Variants in HIVEP1 observed in about 807,000 individuals in gnomAD.
HIVEP1 encodes the protein HIVEP zinc finger 1.
Under a neutral mutation model 180.0 loss-of-function variants are expected in HIVEP1, and 36 were observed. That is an observed-to-expected ratio of 0.20 (90% CI 0.15 to 0.26). The LOEUF (loss-of-function observed/expected upper bound fraction) is 0.26. Ranked by LOEUF, HIVEP1 falls within the 10% of genes least tolerant of loss-of-function variation. The pLI, the probability that HIVEP1 is intolerant of heterozygous loss-of-function variation, is 1.00. For missense variants in HIVEP1, 3,143 were observed against 3,268.7 expected (o/e 0.96, Z 0.94); for synonymous variants, 1,239 against 1,239.0 (o/e 1.00, Z 0.00).
intron 7 of HIVEP1, among the ~76,000 whole-genome samples, chr6:12,155,555 C>T (rs538562626): frequency 2.6e-5 from 4 of 152,228 alleles, no homozygotes; most frequent in African/African-American, 7.2e-5. Context: ...TTATGGCTTC[C>T]AAATCCATCT....
the HIVEP1 span, among the ~76,000 whole-genome samples, chr6:12,178,945 C>T: frequency 6.6e-6 from 1 of 152,014 alleles, no homozygotes; most frequent in African/African-American, 2.4e-5. Context: ...GATGGATCTC[C>T]AAGACATGTT....
rs746281482 is a variant in HIVEP1 at position 12,163,421 on chromosome 6, T to C, written c.7117T>C (p.Leu2373=). The C allele has an allele frequency of 6.2e-7, 1 of 1,614,174 alleles. No homozygotes were observed. The highest frequency in any genetic ancestry group is 2.2e-5 in the East Asian group (1 of 44,874). The change falls in exon 9 of 9, where the codon TTG becomes CTG. Residue 2373 remains leucine, a synonymous_variant. Transcript: ENST00000379388. ...QQITLQPTPG[L]PSPHTHLFSH... The stretch of plus-strand genomic sequence containing the variant: ...AATAACTCTACAGCCGACTCCAGGC[T>C]TGCCTTCTCCCCACACTCATTTGTT...
At chr6:12,189,317 T>C in the HIVEP1 span, among the ~76,000 whole-genome samples, 2 of 151,968 alleles carry the variant, frequency 1.3e-5, no homozygotes, top group African/African-American at 4.8e-5. Flanking sequence ...TCAGCAACTA[T>C]AGAAAAAGAC....
At chr6:12,089,713 C>T (rs6940075) in intron 3 of HIVEP1, among the ~76,000 whole-genome samples, 11,434 of 151,654 alleles carry the variant, frequency 0.075, 557 homozygotes, top group Middle Eastern at 0.14. Flanking sequence ...TGGGGTATCA[C>T]GCAGCTTTGA....
intron 2 of HIVEP1, among the ~76,000 whole-genome samples, chr6:12,050,585 C>CA (rs57114429): frequency 0.028 from 4,052 of 143,702 alleles, 196 homozygotes; most frequent in African/African-American, 0.098. Context: ...GACTCCGTCT[C>CA]AAAAAAAAAA....
At position 12,121,038 on chromosome 6, in the gene HIVEP1, T is replaced by C; in HGVS notation, c.1243T>C (p.Cys415Arg). ...KYICEYCNRA[C>R]AKPSVLLKHI... ...TATTTGTGAGTATTGCAATAGAGCA[T>C]GTGCAAAGCCTAGTGTGCTTTTAAA... is the stretch of plus-strand genomic sequence containing the variant. Residue 415 changes from cysteine (C) to arginine (R), a missense_variant, in exon 4 of 9, where the codon TGT becomes CGT. By Grantham distance (180) the Cys-to-Arg change is radical. Coordinates refer to ENST00000379388, the MANE Select transcript of HIVEP1 (RefSeq NM_002114.4). This position sits in a 1 kb window ranked among gnomAD's most constrained non-coding sequence, Gnocchi z 5.3. 3 of 1,614,204 alleles carry C rather than the reference T, an allele frequency of 1.9e-6. No individual in the cohort carries two copies. The highest frequency in any genetic ancestry group is 2.5e-6 in the Non-Finnish European group (3 of 1,180,020).
At chr6:12,030,186 A>G (rs923769816) in intron 2 of HIVEP1, among the ~76,000 whole-genome samples, 3 of 152,120 alleles carry the variant, frequency 2.0e-5, no homozygotes, top group Middle Eastern at 3.2e-3. Flanking sequence ...TTTCTTTGCA[A>G]GATGAATTGT....
At chr6:12,182,559 G>A in the HIVEP1 span, among the ~76,000 whole-genome samples, 1 of 152,206 alleles carries the variant, frequency 6.6e-6, no homozygotes, top group Non-Finnish European at 1.5e-5. Flanking sequence ...TTAGTTCAGG[G>A]CTGAAGGAAA....
intron 3 of HIVEP1, among the ~76,000 whole-genome samples, chr6:12,111,590 G>A (rs1774893907): frequency 1.3e-5 from 2 of 152,204 alleles, no homozygotes; most frequent in Admixed American, 6.5e-5. Context: ...TCCATTCCCA[G>A]CTTTTAGAGG....
chr6:12,165,736 G>T (rs563735119), downstream of HIVEP1, among the ~76,000 whole-genome samples: 1 of 152,146 alleles, frequency 6.6e-6, no homozygotes, highest in Admixed American at 6.5e-5. Context: ...ATTTTTAAAG[G>T]CTTGCTTAAC....
intron 2 of HIVEP1, among the ~76,000 whole-genome samples, chr6:12,057,894 C>T (rs1023610493): frequency 1.8e-4 from 27 of 152,070 alleles, no homozygotes; most frequent in African/African-American, 4.3e-4. Context: ...TGGGGAAGAA[C>T]GTTTAGAGTA....
intron 2 of HIVEP1, among the ~76,000 whole-genome samples, chr6:12,073,780 A>C (rs548543998): frequency 3.7e-4 from 56 of 152,244 alleles, no homozygotes; most frequent in Non-Finnish European, 6.3e-4. Context: ...AATCTTGGGG[A>C]ACCTTTGCCA....
chr6:12,033,205 G>A lies in HIVEP1; in HGVS notation c.40+17537G>A, dbSNP rs568584161. On this transcript the variant is annotated intron_variant, in intron 2 of 8. Transcript: ENST00000379388. ...TATAAATGTGCTAAGCACATTGAAG[G>A]TAGGCTAGGTTGTTACAATGCTTGG... Among the ~76,000 whole-genome samples the A allele has an allele frequency of 2.6e-5, 4 of 152,306 alleles. No individual in the cohort carries two copies. In the East Asian group the frequency reaches 7.7e-4, roughly 29 times the overall value.
At chr6:12,022,676 A>C (rs1561861849) in intron 2 of HIVEP1, among the ~76,000 whole-genome samples, 1 of 152,228 alleles carries the variant, frequency 6.6e-6, no homozygotes, top group Non-Finnish European at 1.5e-5. Context: ...CCAGAGAGCT[A>C]CTACTTTCTG....
At chr6:12,068,951 A>G (rs1016832521) in intron 2 of HIVEP1, among the ~76,000 whole-genome samples, 2 of 152,188 alleles carry the variant, frequency 1.3e-5, no homozygotes, top group African/African-American at 4.8e-5. Context: ...ATTTCTTGTC[A>G]CTTTCCCCAG....
At chr6:12,133,538 A>C (rs2113578615) in intron 6 of HIVEP1, among the ~76,000 whole-genome samples, 1 of 152,366 alleles carries the variant, frequency 6.6e-6, no homozygotes, top group Middle Eastern at 3.4e-3. Context: ...ATTTTACATT[A>C]GGAAGTTGAT....
chr6:12,114,334 T>C (rs1221503391), intron 3 of HIVEP1, among the ~76,000 whole-genome samples: 1 of 152,228 alleles, frequency 6.6e-6, no homozygotes, highest in African/African-American at 2.4e-5. Context: ...GAATGTGATA[T>C]TCAACACTAT....
In HIVEP1 at chr6:12,081,276, C is replaced by G. The variant is rs1581645537; in HGVS notation, c.41-7908C>G. On this transcript the variant is annotated intron_variant, in intron 2 of 8. Coordinates refer to ENST00000379388, the MANE Select transcript of HIVEP1 (RefSeq NM_002114.4). Reference sequence around the variant, plus strand: ...ATGGATTTCCACATTCACAGATTGCCTAGTTCCTGTTCAGCAGTGCTTTTG... The same window carrying G: ...ATGGATTTCCACATTCACAGATTGCGTAGTTCCTGTTCAGCAGTGCTTTTG... 2.0e-5 allele frequency among the ~76,000 whole-genome samples: 3 copies of G among 152,174 alleles called. No individual in the cohort carries two copies. In the East Asian group the frequency reaches 5.8e-4, roughly 29 times the overall value.
intron 2 of HIVEP1, among the ~76,000 whole-genome samples, chr6:12,035,683 G>A (rs1769233580): frequency 6.6e-6 from 1 of 152,110 alleles, no homozygotes; most frequent in Non-Finnish European, 1.5e-5. Context: ...TATGATGTTG[G>A]GATTAACGGA....
Sources: gnomAD v4.1 joint callset for allele counts (sites outside exome capture counted in the v4.1 genomes callset) on GRCh38, gnomAD v4.1.1 for gene constraint, Gnocchi (gnomAD v3.1) non-coding constraint, MANE v1.5 for transcripts, NCBI Gene and HGNC (gene_info 2026-07-23, HGNC 2026-07-21) for gene names.